Variants in COL4A3 observed in about 807,000 individuals in gnomAD.
COL4A3 encodes collagen type IV alpha 3 chain.
A neutral mutation model predicts 217.4 loss-of-function variants in COL4A3; 135 were observed. That is an observed-to-expected ratio of 0.62 (90% CI 0.54 to 0.72). The LOEUF (loss-of-function observed/expected upper bound fraction) is 0.72. Among genes scored for constraint, COL4A3 ranks in the 30% least tolerant of loss-of-function variants. COL4A3 has a pLI of 0.00. For missense variants in COL4A3, 1,868 were observed against 2,119.9 expected (o/e 0.88, Z 2.33); for synonymous variants, 690 against 736.3 (o/e 0.94, Z 1.02).
intron 25 of COL4A3, among the ~76,000 whole-genome samples, chr2:227,272,605 T>C (rs1049066000): frequency 3.9e-5 from 6 of 152,232 alleles, no homozygotes; most frequent in African/African-American, 1.4e-4. Flanking sequence ...ATTTCAGAAA[T>C]GTAACATTAT....
intron 1 of COL4A3, among the ~76,000 whole-genome samples, chr2:227,172,183 C>A (rs1452149497): frequency 6.6e-6 from 1 of 152,226 alleles, no homozygotes; most frequent in African/African-American, 2.4e-5. Context: ...CTGCTCACCA[C>A]CTTCAGGTGT....
intron 35 of COL4A3, among the ~76,000 whole-genome samples, chr2:227,289,653 T>C (rs7607651): frequency 0.81 from 122,918 of 152,124 alleles, 50,857 homozygotes; most frequent in Non-Finnish European, 0.91. Flanking sequence ...CCTACAACCA[T>C]CTCAGTAACA....
Position 227,221,560 on chromosome 2 carries a change from G to A in COL4A3, c.88-16408G>A, listed in dbSNP as rs2067786830. 3.9e-5 allele frequency: 6 copies of A among 151,984 alleles called. No individual in the cohort carries two copies. In the South Asian group the frequency reaches 1.2e-3, roughly 32 times the overall value. The allele number at this position is 151,984 out of a possible 1,614,324, so 9.4% of individuals were successfully genotyped here. ...TCACTGCTTCCCCTCCTTCTTTCAAGTCTTTATTCCAAAAATCACCTCCTC... is the reference window on the plus strand; with the variant it reads ...TCACTGCTTCCCCTCCTTCTTTCAAATCTTTATTCCAAAAATCACCTCCTC... On this transcript the variant is annotated intron_variant, in intron 1 of 51. Transcript: ENST00000396578.
At chr2:227,241,878 T>C (rs1202299434) in intron 3 of COL4A3, among the ~76,000 whole-genome samples, 1 of 152,068 alleles carries the variant, frequency 6.6e-6, no homozygotes, top group Non-Finnish European at 1.5e-5. Context: ...TTCCCATCAT[T>C]ACCTCCACTA....
intron 1 of COL4A3, among the ~76,000 whole-genome samples, chr2:227,222,122 CTA>C (rs1268227494): frequency 9.5e-6 from 1 of 105,254 alleles, no homozygotes; most frequent in Admixed American, 1.2e-4. Context: ...GACACTGTCT[CTA>C]ATAATAATAA....
At chr2:227,266,583 G>A (rs1455120119) in intron 22 of COL4A3, 74 bp downstream of exon 22, 3 of 1,188,150 alleles carry the variant, frequency 2.5e-6, no homozygotes, top group Non-Finnish European at 1.2e-6. Context: ...TTTTCCCCCT[G>A]AGATAACAAT....
At chr2:227,183,783 C>T (rs1234878654) in intron 1 of COL4A3, among the ~76,000 whole-genome samples, 2 of 152,108 alleles carry the variant, frequency 1.3e-5, no homozygotes, top group South Asian at 2.1e-4. Context: ...CTTGTCAGTC[C>T]CTTAGTCAAA....
At chr2:227,207,020 C>G (rs954676503) in intron 1 of COL4A3, among the ~76,000 whole-genome samples, 6 of 152,036 alleles carry the variant, frequency 3.9e-5, no homozygotes, top group Admixed American at 2.0e-4. Flanking sequence ...CAGGAGACAC[C>G]CTGGAATGGA....
At chr2:227,206,533 T>G (rs944989586) in intron 1 of COL4A3, among the ~76,000 whole-genome samples, 7 of 151,982 alleles carry the variant, frequency 4.6e-5, no homozygotes, top group Non-Finnish European at 1.0e-4. Flanking sequence ...CAGCAAAAAG[T>G]GAGTTAGTGT....
chr2:227,249,212 G>GTATGTATATATATATATA (rs1553751605), intron 9 of COL4A3, among the ~76,000 whole-genome samples: 1 of 33,218 alleles, frequency 3.0e-5, no homozygotes, highest in Non-Finnish European at 5.9e-5. Context: ...AAATTAGCTA[G>GTATGTATATATATATATA]TATATATATA....
At chr2:227,261,009 C>T in intron 19 of COL4A3, 73 bp from the exon 20 acceptor site, 2 of 1,253,888 alleles carry the variant, frequency 1.6e-6, no homozygotes, top group Non-Finnish European at 2.3e-6. Context: ...TATATTGTCA[C>T]CCAAGATTCC....
chr2:227,281,278 G>A (rs2071947376), intron 31 of COL4A3, among the ~76,000 whole-genome samples: 1 of 152,126 alleles, frequency 6.6e-6, no homozygotes, highest in Non-Finnish European at 1.5e-5. Flanking sequence ...AGAGATTGGT[G>A]TGTGTTTACA....
intron 26 of COL4A3, among the ~76,000 whole-genome samples, chr2:227,276,172 G>T (rs1204108432): frequency 6.6e-6 from 1 of 152,240 alleles, no homozygotes; most frequent in East Asian, 1.9e-4. Context: ...ACAAAGTTTA[G>T]ACGATTGTCT....
chr2:227,247,322 T>A (rs2069408330), intron 7 of COL4A3, among the ~76,000 whole-genome samples: 1 of 152,016 alleles, frequency 6.6e-6, no homozygotes, highest in South Asian at 2.1e-4. Context: ...AGGGGGCAGA[T>A]TTGGAACTGA....
chr2:227,246,524 G>C (rs1297784207), intron 6 of COL4A3, among the ~76,000 whole-genome samples, 161 bp from the exon 7 acceptor site: 6 of 152,122 alleles, frequency 3.9e-5, no homozygotes, highest in African/African-American at 1.4e-4. Context: ...TTAAGATAAT[G>C]GTTTTTTGGT....
intron 1 of COL4A3, among the ~76,000 whole-genome samples, chr2:227,178,721 T>C (rs1356768187): frequency 6.6e-6 from 1 of 151,820 alleles, no homozygotes; most frequent in Non-Finnish European, 1.5e-5. Flanking sequence ...GTTTTTTTTT[T>C]GTATTTTTAG....
chr2:227,279,631 T>A (rs986815229), intron 28 of COL4A3, 162 bp from the exon 29 acceptor site: 2 of 560,824 alleles, frequency 3.6e-6, no homozygotes, highest in Non-Finnish European at 3.2e-6. Flanking sequence ...CAATGTAATT[T>A]GATTTGGAAC....
intron 42 of COL4A3, 67 bp downstream of exon 42, chr2:227,297,926 C>T (rs2073102191): frequency 4.0e-6 from 6 of 1,484,120 alleles, no homozygotes; most frequent in South Asian, 1.2e-5. Context: ...AGTTTTCAAC[C>T]TCCTCCTCAT....
At chr2:227,271,005 G>A in intron 25 of COL4A3, 53 bp downstream of exon 25, 4 of 1,577,220 alleles carry the variant, frequency 2.5e-6, no homozygotes, top group East Asian at 2.2e-5. Flanking sequence ...CTGAAGTTAA[G>A]AGATAAAGTG....
Sources: allele counts gnomAD v4.1 joint callset (sites outside exome capture counted in the v4.1 genomes callset), GRCh38; gene constraint gnomAD v4.1.1; transcripts MANE v1.5; gene names NCBI Gene and HGNC (gene_info 2026-07-23, HGNC 2026-07-21).